The following HMGXB3 variants were observed in gnomAD, a reference collection of about 807,000 sequenced individuals.
HMGXB3 encodes the protein HMG domain-containing protein 3.
In HMGXB3, 45 loss-of-function variants were observed where a neutral mutation model predicts 121.5. The ratio of observed to expected loss-of-function variants is 0.37; its 90% CI spans 0.29 to 0.47. The LOEUF is 0.47. HMGXB3 is among the 20% of genes least tolerant of loss of function. The probability of loss-of-function intolerance (pLI) is 0.99; values close to 1 mark genes in which losing one functional copy is unlikely to be tolerated. For missense variants in HMGXB3, 1,376 were observed against 1,602.2 expected (o/e 0.86, Z 2.41); for synonymous variants, 590 against 624.1 (o/e 0.95, Z 0.81).
intron 16 of HMGXB3, among the ~76,000 whole-genome samples, chr5:150,047,189 C>T (rs1451626226): frequency 1.3e-5 from 2 of 152,116 alleles, no homozygotes; most frequent in Non-Finnish European, 2.9e-5. Context: ...CCACTGCACC[C>T]GGCCCCCAGG....
intron 7 of HMGXB3, among the ~76,000 whole-genome samples, chr5:150,026,324 G>A (rs139116704): frequency 1.5e-3 from 232 of 152,272 alleles, no homozygotes; most frequent in African/African-American, 5.4e-3. Context: ...AAGCAAACAT[G>A]GACTCTGTTC....
chr5:150,003,389 A>G (rs1040012912), intron 1 of HMGXB3, among the ~76,000 whole-genome samples: 4 of 152,040 alleles, frequency 2.6e-5, no homozygotes, highest in African/African-American at 9.7e-5. Context: ...TCTATCTCTC[A>G]AGTCCCTGCT....
chr5:150,008,936 T>C (rs1043887594), intron 3 of HMGXB3, among the ~76,000 whole-genome samples: 1 of 152,250 alleles, frequency 6.6e-6, no homozygotes, highest in African/African-American at 2.4e-5. Flanking sequence ...TTCTGAGTGC[T>C]TCCTTTATGC....
chr5:150,010,325 C>A lies in HMGXB3; in HGVS notation c.527C>A (p.Ala176Glu). ...NTAPETVPSH[A>E]GMAEQCLAVE... ...GCCCCGGAGACAGTGCCCAGCCATG[C>A]AGGCATGGCAGAGCAGTGCCTGGCT... The change falls in exon 4 of 20, where the codon GCA (alanine) becomes GAA (glutamate). Residue 176 changes from alanine to glutamate, a missense_variant. Coordinates refer to ENST00000502717, the MANE Select transcript of HMGXB3 (RefSeq NM_014983.3). 6.4e-7 allele frequency: 1 copy of A among 1,551,774 alleles called. No homozygotes were observed. Among genetic ancestry groups the A allele is most frequent in the Non-Finnish European group, 8.7e-7 (1 of 1,147,020 alleles).
chr5:150,004,951 A>G lies in HMGXB3; in HGVS notation c.99A>G (p.Lys33=). The change falls in exon 2 of 20, where the codon AAA becomes AAG. Residue 33 remains lysine (K), a synonymous_variant. Coordinates refer to ENST00000502717, the MANE Select transcript of HMGXB3 (RefSeq NM_014983.3). ...YTSPGPPKKK[K]KYKIHGEKTK... is the part of the protein sequence containing the mutation. ...CTCCTGGGCCACCCAAGAAGAAGAA[A>G]AAGTATAAAATACATGGAGAAAAGA... 2 of 1,551,828 alleles carry G rather than the reference A, an allele frequency of 1.3e-6. No homozygotes were observed. Among genetic ancestry groups the G allele is most frequent in the Non-Finnish European group, 8.7e-7 (1 of 1,146,968 alleles).
At position 150,051,150 on chromosome 5, in the gene HMGXB3, A is replaced by G. The variant is rs546772385; in HGVS notation, c.3412-575A>G. Among the ~76,000 whole-genome samples, 3 of 152,368 alleles carry G rather than the reference A, an allele frequency of 2.0e-5. No individual in the cohort carries two copies. The East Asian group carries it at 5.8e-4, about 29-fold the overall frequency. ...CCGGGTCCCACAGCAGATTAGTGGC[A>G]GAGCCCTTGTCTCTGTGTCTTGGTA... On this transcript the variant is annotated intron_variant, in intron 19 of 19. Transcript: ENST00000502717.
chr5:150,049,207 A>AGGGCTCC (rs990510227), intron 18 of HMGXB3, among the ~76,000 whole-genome samples: 1 of 152,096 alleles, frequency 6.6e-6, no homozygotes, highest in African/African-American at 2.4e-5. Flanking sequence ...GGGGTGTTGG[A>AGGGCTCC]GGGCTCCCCC....
At chr5:150,022,017 C>T (rs1756107501) in intron 6 of HMGXB3, 1 of 365,518 alleles carries the variant, frequency 2.7e-6, no homozygotes, top group African/African-American at 2.1e-5. Flanking sequence ...GACCGCAGCT[C>T]CGCACCACCT....
chr5:150,015,149 A>C, intron 5 of HMGXB3: 1 of 324,984 alleles, frequency 3.1e-6, no homozygotes, highest in Non-Finnish European at 5.6e-6. Flanking sequence ...TTCAAAGGTG[A>C]GCAGGGCACG....
chr5:150,043,097 CTACT>C (rs1756676262), intron 15 of HMGXB3, among the ~76,000 whole-genome samples: 1 of 152,152 alleles, frequency 6.6e-6, no homozygotes, highest in African/African-American at 2.4e-5. Context: ...ATGTAATTCA[CTACT>C]TAACCGATTA....
chr5:150,021,328 T>C (rs1348269771), intron 6 of HMGXB3, among the ~76,000 whole-genome samples: 3 of 152,126 alleles, frequency 2.0e-5, no homozygotes, highest in Non-Finnish European at 4.4e-5. Context: ...TAAGGAAAAA[T>C]AGATTTTGAA....
chr5:150,050,817 G>C (rs915921874), intron 19 of HMGXB3, among the ~76,000 whole-genome samples: 4 of 152,186 alleles, frequency 2.6e-5, no homozygotes, highest in African/African-American at 9.7e-5. Context: ...CCCTCTGTTT[G>C]AGGCCACAGT....
chr5:150,051,991 T>C lies in HMGXB3; in HGVS notation c.3678T>C (p.Thr1226=), dbSNP rs368667104. Residue 1226 remains threonine (T), a synonymous_variant, in exon 20 of 20, where the codon ACT becomes ACC. Coordinates refer to ENST00000502717, the MANE Select transcript of HMGXB3 (RefSeq NM_014983.3). ...GGCCCATTGCCTTCGACAATGCCAC[T>C]CACTATTACCTCTACAACCGCCTCA... is the stretch of plus-strand genomic sequence containing the variant. ...RQRPIAFDNA[T]HYYLYNRLMD... 3.2e-6 allele frequency: 5 copies of C among 1,552,018 alleles called. No individual in the cohort carries two copies. The East Asian group carries it at 1.2e-4, about 38-fold the overall frequency.
At chr5:150,048,449 G>C in intron 17 of HMGXB3, 120 bp from the exon 18 acceptor site, 2 of 738,268 alleles carry the variant, frequency 2.7e-6, no homozygotes, top group Non-Finnish European at 4.7e-6. Flanking sequence ...TCCAAGGCCC[G>C]CTCTGACCCA....
rs1361613251 is a variant in HMGXB3, at chr5:150,001,136, GC to G, written c.-45del. ...CCCCCTCGTCCAGCCGCCGGGCCAA[GC>G]GCCTCCGGGAATGTGAGCGGCGCAG... On this transcript the variant is annotated 5_prime_UTR_variant, in exon 1 of 20. The change creates a premature stop within an existing upstream ORF in the 5' untranslated region. Transcript: ENST00000502717. 6.5e-6 allele frequency: 1 copy of G among 153,782 alleles called. No homozygotes were observed. The highest frequency in any genetic ancestry group is 2.4e-5 in the African/African-American group (1 of 41,522). 9.5% of individuals were successfully genotyped at this position (153,782 alleles called of 1,614,324 possible).
intron 4 of HMGXB3, among the ~76,000 whole-genome samples, chr5:150,010,876 G>T (rs767394368): frequency 6.6e-6 from 1 of 152,228 alleles, no homozygotes; most frequent in Non-Finnish European, 1.5e-5. Context: ...CAAGAAAGCT[G>T]CAAATTGTAT....
intron 5 of HMGXB3, among the ~76,000 whole-genome samples, chr5:150,014,111 G>A (rs961191885): frequency 2.6e-5 from 4 of 152,230 alleles, no homozygotes; most frequent in Non-Finnish European, 5.9e-5. Context: ...TTATGGCCTG[G>A]TACTACACTA....
At chr5:150,013,215 G>A (rs1755883659) in intron 5 of HMGXB3, among the ~76,000 whole-genome samples, 1 of 152,088 alleles carries the variant, frequency 6.6e-6, no homozygotes, top group South Asian at 2.1e-4. Context: ...ATTAACTATA[G>A]GTTTTTCCTA....
chr5:150,050,444 C>G lies in HMGXB3; in HGVS notation c.3394C>G (p.Pro1132Ala). ...GAGGAACCAGGGCTGTTTCTCTAGC[C>G]CCACAGAGCCACCTGTGGTGAGTCA... The part of the protein sequence containing the change: ...WGRNQGCFSS[P>A]TEPPVSVSCP... The change falls in exon 19 of 20, where the codon CCC becomes GCC. Residue 1132 changes from proline to alanine, a missense_variant. Physicochemically the swap from Pro to Ala is conservative, Grantham distance 27. Around this residue, in one of 2 missense-constraint regions of HMGXB3, gnomAD observed 260 missense variants for 233.2 expected, o/e 1.11. Coordinates refer to ENST00000502717, the MANE Select transcript of HMGXB3 (RefSeq NM_014983.3). The G allele has an allele frequency of 6.4e-7, 1 of 1,551,298 alleles. No individual in the cohort carries two copies. Among genetic ancestry groups the G allele is most frequent in the Non-Finnish European group, 8.7e-7 (1 of 1,146,630 alleles).
Sources: allele counts gnomAD v4.1 joint callset (sites outside exome capture counted in the v4.1 genomes callset), GRCh38; gene constraint gnomAD v4.1.1; regional missense constraint gnomAD v4.1.1; transcripts MANE v1.5; gene names NCBI Gene and HGNC (gene_info 2026-07-23, HGNC 2026-07-21).